HIPK4: variants seen among roughly 807,000 people sequenced by gnomAD.
HIPK4 encodes the protein homeodomain interacting protein kinase 4.
HIPK4 carries 26 observed loss-of-function variants against 44.8 expected under a neutral mutation model. That is an observed-to-expected ratio of 0.58 (90% CI 0.43 to 0.80). The LOEUF (loss-of-function observed/expected upper bound fraction) is 0.80, where lower values mean the gene tolerates loss of function less well. Ranked by LOEUF, HIPK4 falls within the 30% of genes least tolerant of loss-of-function variation. The pLI is 0.00. For missense variants in HIPK4, 729 were observed against 862.6 expected, an observed-to-expected ratio of 0.85 and a Z score of 1.94; for synonymous variants, 340 against 355.5, an observed-to-expected ratio of 0.96 and a Z score of 0.49.
At chr19:40,381,300 T>A in intron 2 of HIPK4, 132 bp from the exon 3 acceptor site, 1 of 752,364 alleles carries the variant, frequency 1.3e-6, no homozygotes. Flanking sequence ...GCTCTCTGGC[T>A]GCTAGGAGGG....
rs2145718075 is a variant in HIPK4 at position 40,384,134 on chromosome 19, A to G, written c.471T>C (p.Ile157=). 2 of 1,575,084 alleles carry G rather than the reference A, an allele frequency of 1.3e-6. No homozygotes were observed. The highest frequency in any genetic ancestry group is 4.5e-5 in the East Asian group (2 of 44,296). ...TGAAAATGCTGGCGGATCCGAAGTC[A>G]ATCACCTGTCGGGGGTGGGGAAGAG... ...QTRCPFRVKV[I]DFGSASIFSE... is the part of the protein sequence containing the mutation. Residue 157 remains isoleucine, a synonymous_variant, in exon 2 of 4, where the codon ATT becomes ATC. Transcript: ENST00000291823.
intron 1 of HIPK4, among the ~76,000 whole-genome samples, chr19:40,388,015 T>TG (rs921931704): frequency 6.9e-6 from 1 of 145,652 alleles, no homozygotes; most frequent in African/African-American, 2.6e-5. Context: ...TTAGTTTAGT[T>TG]TTTTTTTTTT....
Position 40,380,767 on chromosome 19 carries a change from GGCCACACT to G in HIPK4, c.1216_1223del (p.Ser406ArgfsTer23). The G allele has an allele frequency of 6.2e-7, 1 of 1,614,158 alleles. No individual in the cohort carries two copies. The highest frequency in any genetic ancestry group is 8.5e-7 in the Non-Finnish European group (1 of 1,179,992). Reference sequence around the variant, plus strand: ...CCTCTCGGAAGAAGGGGCTGCTGCCGGCCACACTGCCCATACCCGCAGCCTCCTTCTCC... The same window carrying G: ...CCTCTCGGAAGAAGGGGCTGCTGCCGGCCCATACCCGCAGCCTCCTTCTCC... On this transcript the variant is annotated frameshift_variant, in exon 3 of 4. Transcript: ENST00000291823. LOFTEE classifies it high-confidence loss of function. This position sits in a 1 kb window ranked among gnomAD's most constrained non-coding sequence, Gnocchi z 4.2.
chr19:40,380,220 G>A lies in HIPK4; in HGVS notation c.1668+103C>T. 1 of 1,400,442 alleles carries A rather than the reference G, an allele frequency of 7.1e-7. No homozygotes were observed. The highest frequency in any genetic ancestry group is 9.7e-7 in the Non-Finnish European group (1 of 1,035,252). The allele number at this position is 1,400,442 out of a possible 1,614,324, so 86.8% of individuals were successfully genotyped here. A position where few individuals can be genotyped will look rare whatever the true frequency, so the allele number is the denominator to read the frequency against. ...CTAATTGTATCCTGAACATGGGTGA[G>A]TGTGTGTTGAGCCTCCTCACACACT... On this transcript the variant is annotated intron_variant, in intron 3 of 3. Transcript: ENST00000291823. This position sits in a 1 kb window ranked among gnomAD's most constrained non-coding sequence, Gnocchi z 4.2.
In HIPK4 at chr19:40,383,957, G is replaced by A. The variant is rs138202656; in HGVS notation, c.648C>T (p.Pro216=). The A allele has an allele frequency of 1.6e-5, 26 of 1,614,048 alleles. No homozygotes were observed. The highest frequency in any genetic ancestry group is 1.2e-4 in the African/African-American group (9 of 74,922). The change falls in exon 2 of 4, where the codon CCC becomes CCT. Residue 216 remains proline (P), a synonymous_variant. Transcript: ENST00000291823. ...AELHLGWPLY[P]GNNEYDQVRY... ...GCACCTGGTCGTACTCGTTGTTGCCGGGGTAGAGAGGCCAGCCCAGGTGCA... is the reference window on the plus strand; with the variant it reads ...GCACCTGGTCGTACTCGTTGTTGCCAGGGTAGAGAGGCCAGCCCAGGTGCA...
rs2079317414 is a variant in HIPK4, at chr19:40,379,434, A to G, written c.*153T>C. 1 of 695,162 alleles carries G rather than the reference A, an allele frequency of 1.4e-6. No individual in the cohort carries two copies. Among genetic ancestry groups the G allele is most frequent in the African/African-American group, 1.8e-5 (1 of 54,244 alleles). The allele number at this position is 695,162 out of a possible 1,614,324, so 43.1% of individuals were successfully genotyped here. A position where few individuals can be genotyped will look rare whatever the true frequency, so the allele number is the denominator to read the frequency against. On this transcript the variant is annotated 3_prime_UTR_variant, in exon 4 of 4. Coordinates refer to ENST00000291823, the MANE Select transcript of HIPK4 (RefSeq NM_144685.5). ...GGAGAGGTGTGCAGGCACGCACCGC[A>G]CCGCAGACGGGGAATGAGAATTTCT... is the stretch of plus-strand genomic sequence containing the variant.
intron 2 of HIPK4, among the ~76,000 whole-genome samples, chr19:40,381,812 T>TG (rs2079338472): frequency 1.5e-5 from 2 of 136,414 alleles, no homozygotes; most frequent in South Asian, 4.8e-4. Context: ...TTTTTTTTTT[T>TG]GTATGTGTGT....
intron 1 of HIPK4, 115 bp from the exon 2 acceptor site, chr19:40,384,254 C>T: frequency 1.3e-6 from 1 of 762,018 alleles, no homozygotes; most frequent in South Asian, 1.7e-5. Context: ...TTGACTCTGG[C>T]CATCTCTGGG....
In HIPK4 at chr19:40,389,795, C is replaced by T. The variant is rs776961937; in HGVS notation, c.108G>A (p.Met36Ile). ...AKGWRRSTGE[M>I]VAIKILKNDA... The stretch of plus-strand genomic sequence containing the variant: ...CATTCTTGAGGATCTTGATGGCCAC[C>T]ATCTCGCCCGTGCTCCGCCGCCAGC... Residue 36 changes from methionine to isoleucine, a missense_variant, in exon 1 of 4, where the codon ATG becomes ATA. This residue lies in a region of HIPK4 where 196 missense variants were observed against 295.1 expected (regional missense o/e 0.66). Coordinates refer to ENST00000291823, the MANE Select transcript of HIPK4 (RefSeq NM_144685.5). This position sits in a 1 kb window ranked among gnomAD's most constrained non-coding sequence, Gnocchi z 4.6. The T allele has an allele frequency of 2.8e-5, 45 of 1,614,130 alleles. No homozygotes were observed. The highest frequency in any genetic ancestry group is 3.6e-5 in the Non-Finnish European group (42 of 1,180,022).
Position 40,389,449 on chromosome 19 carries a change from A to G in HIPK4, c.454T>C (p.Phe152Leu). Residue 152 changes from phenylalanine to leucine, a missense_variant, in exon 1 of 4, where the codon TTC (phenylalanine) becomes CTC (leucine). Physicochemically the swap from Phe to Leu is conservative, Grantham distance 22. Coordinates refer to ENST00000291823, the MANE Select transcript of HIPK4 (RefSeq NM_144685.5). The surrounding 1 kb of genome is among the most constrained non-coding windows in gnomAD (Gnocchi z 4.6). ...IMLVDQTRCP[F>L]RVKVIDFGSA... ...CGACCCCTACTCACCTTGACCCTGA[A>G]GGGGCAGCGGGTCTGGTCCACCAGC... is the stretch of plus-strand genomic sequence containing the variant. 1 of 1,579,518 alleles carries G rather than the reference A, an allele frequency of 6.3e-7. No homozygotes were observed. Among genetic ancestry groups the G allele is most frequent in the Non-Finnish European group, 8.6e-7 (1 of 1,159,046 alleles).
In HIPK4 at chr19:40,389,886, G is replaced by C; in HGVS notation, c.17C>G (p.Ser6Trp). 1.9e-6 allele frequency: 3 copies of C among 1,608,042 alleles called. No individual in the cohort carries two copies. Among genetic ancestry groups the C allele is most frequent in the Non-Finnish European group, 8.5e-7 (1 of 1,179,550 alleles). The change falls in exon 1 of 4, where the codon TCG (serine) becomes TGG (tryptophan). Residue 6 changes from serine to tryptophan, a missense_variant. Ser to Trp is a radical substitution (Grantham distance 177). Coordinates refer to ENST00000291823, the MANE Select transcript of HIPK4 (RefSeq NM_144685.5). The surrounding 1 kb of genome is among the most constrained non-coding windows in gnomAD (Gnocchi z 4.6). ...GATGATGTCGTAGCAGTCAGTCTCC[G>C]ACTGGATGGTGGACATGGTGCCGCT... The part of the protein sequence containing the change: MSTIQ[S>W]ETDCYDIIEV...
chr19:40,384,779 T>G (rs1166956952), intron 1 of HIPK4, among the ~76,000 whole-genome samples: 1 of 151,590 alleles, frequency 6.6e-6, no homozygotes, highest in Admixed American at 6.6e-5. Context: ...GCCCTGCTAA[T>G]TTTTGTATTT....
At chr19:40,387,650 T>C (rs2079369240) in intron 1 of HIPK4, among the ~76,000 whole-genome samples, 1 of 152,024 alleles carries the variant, frequency 6.6e-6, no homozygotes. Flanking sequence ...GGCTAAGTTT[T>C]GTATTTTTAA....
Position 40,390,055 on chromosome 19 carries a change from C to T in HIPK4, c.-153G>A. The T allele has an allele frequency of 1.6e-6, 1 of 617,222 alleles. No homozygotes were observed. Among genetic ancestry groups the T allele is most frequent in the South Asian group, 2.0e-5 (1 of 50,880 alleles). The allele number at this position is 617,222 out of a possible 1,614,324, so 38.2% of individuals were successfully genotyped here. On this transcript the variant is annotated 5_prime_UTR_variant, in exon 1 of 4. Transcript: ENST00000291823. ...CCTCCTATGAGGTTGGCCCCTGCTT[C>T]CCTGGCACCCCCAAACCCCCAGGCC...
chr19:40,379,445 G>A lies in HIPK4; in HGVS notation c.*142C>T, dbSNP rs1279946657. ...CAGGCACGCACCGCACCGCAGACGG[G>A]GAATGAGAATTTCTGGATAACTATC... On this transcript the variant is annotated 3_prime_UTR_variant, in exon 4 of 4. Transcript: ENST00000291823. The A allele has an allele frequency of 3.9e-6, 3 of 761,604 alleles. No individual in the cohort carries two copies. Among genetic ancestry groups the A allele is most frequent in the Non-Finnish European group, 6.0e-6 (3 of 496,346 alleles). The allele number at this position is 761,604 out of a possible 1,614,324, so 47.2% of individuals were successfully genotyped here.
At chr19:40,381,250 G>A in intron 2 of HIPK4, 82 bp from the exon 3 acceptor site, 1 of 1,142,184 alleles carries the variant, frequency 8.8e-7, no homozygotes, top group Non-Finnish European at 1.2e-6. Flanking sequence ...GCACCCACAT[G>A]TAGCCCCGAC....
At position 40,379,355 on chromosome 19, in the gene HIPK4, G is replaced by A. The variant is rs2145713936; in HGVS notation, c.*232C>T. The A allele has an allele frequency of 9.5e-6, 5 of 524,122 alleles. No individual in the cohort carries two copies. The highest frequency in any genetic ancestry group is 4.9e-4 in the Middle Eastern group (1 of 2,046). 32.5% of individuals were successfully genotyped at this position (524,122 alleles called of 1,614,324 possible). A position where few individuals can be genotyped will look rare whatever the true frequency, so the allele number is the denominator to read the frequency against. Reference sequence around the variant, plus strand: ...CCAGCGGGGTGCAGCCCCCTTTCCTGCTGTCCTTCTGGCCAAGGAGCATGG... The same window carrying A: ...CCAGCGGGGTGCAGCCCCCTTTCCTACTGTCCTTCTGGCCAAGGAGCATGG... On this transcript the variant is annotated 3_prime_UTR_variant, in exon 4 of 4. Transcript: ENST00000291823.
chr19:40,385,955 G>A (rs1402638192), intron 1 of HIPK4, among the ~76,000 whole-genome samples: 1 of 151,522 alleles, frequency 6.6e-6, no homozygotes, highest in East Asian at 1.9e-4. Flanking sequence ...TGATCCACTC[G>A]CCTCGGCCTC....
Position 40,383,922 on chromosome 19 carries a change from C to A in HIPK4, c.683G>T (p.Cys228Phe). The A allele has an allele frequency of 6.2e-7, 1 of 1,614,162 alleles. No homozygotes were observed. Among genetic ancestry groups the A allele is most frequent in the Non-Finnish European group, 8.5e-7 (1 of 1,180,032 alleles). The change falls in exon 2 of 4, where the codon TGC becomes TTC. Residue 228 changes from cysteine to phenylalanine, a missense_variant. By Grantham distance (205) the Cys-to-Phe change is radical (BLOSUM62 -2). Around this residue, in one of 2 missense-constraint regions of HIPK4, gnomAD observed 533 missense variants for 567.5 expected, o/e 0.94. Coordinates refer to ENST00000291823, the MANE Select transcript of HIPK4 (RefSeq NM_144685.5). ...NNEYDQVRYI[C>F]ETQGLPKPHL... is the part of the protein sequence containing the mutation. ...TGGCTTGGGCAGGCCCTGGGTTTCG[C>A]AGATGTAGCGCACCTGGTCGTACTC...
Sources: gnomAD v4.1 joint callset for allele counts (sites outside exome capture counted in the v4.1 genomes callset) on GRCh38, gnomAD v4.1.1 for gene constraint, gnomAD v4.1.1 regional missense constraint, Gnocchi (gnomAD v3.1) non-coding constraint, MANE v1.5 for transcripts, NCBI Gene and HGNC (gene_info 2026-07-23, HGNC 2026-07-21) for gene names.